MAML3: variants seen among roughly 807,000 people sequenced by gnomAD.
MAML3 encodes the protein mastermind like transcriptional coactivator 3.
A neutral mutation model predicts 101.9 loss-of-function variants in MAML3; 27 were observed. That is an observed-to-expected ratio of 0.27 (90% confidence interval 0.20 to 0.37). MAML3 has a LOEUF of 0.37. MAML3 is among the 10% of genes least tolerant of loss of function. MAML3 has a pLI of 1.00. For synonymous variants in MAML3, 501 were observed against 555.9 expected (o/e 0.90, Z 1.39); for missense variants, 1,316 against 1,444.9 (o/e 0.91, Z 1.45).
rs150732156 is a variant in MAML3 at position 139,851,380 on chromosome 4, C to T, written c.2079+37977G>A. On this transcript the variant is annotated intron_variant, in intron 2 of 4. Transcript: ENST00000509479. ...TTAAGACTCTTCAGAGGAAGGCCAG[C>T]TCCTATTGGCTCTGCAAATCCACTT... Among the ~76,000 whole-genome samples, 313 of 152,376 alleles carry T rather than the reference C, an allele frequency of 2.1e-3. 1 individual carries two copies. The highest frequency in any genetic ancestry group is 7.0e-3 in the African/African-American group (291 of 41,594).
At chr4:139,948,554 G>C (rs937569172) in intron 1 of MAML3, among the ~76,000 whole-genome samples, 1 of 152,140 alleles carries the variant, frequency 6.6e-6, no homozygotes, top group Non-Finnish European at 1.5e-5. Flanking sequence ...GCTCCATCTT[G>C]GTTTCAATTC....
At chr4:140,027,973 G>A (rs1212387102) in intron 1 of MAML3, among the ~76,000 whole-genome samples, 2 of 152,172 alleles carry the variant, frequency 1.3e-5, no homozygotes. Flanking sequence ...ATACCTCATA[G>A]ATGTTCACAT....
intron 1 of MAML3, among the ~76,000 whole-genome samples, chr4:140,000,310 A>G (rs926060510): frequency 6.6e-6 from 1 of 152,056 alleles, no homozygotes; most frequent in African/African-American, 2.4e-5. Context: ...GAAGATCCAT[A>G]ACCTCTATTC....
chr4:139,726,089 C>T (rs966004998), intron 3 of MAML3, among the ~76,000 whole-genome samples: 1 of 152,220 alleles, frequency 6.6e-6, no homozygotes, highest in Non-Finnish European at 1.5e-5. Context: ...GTGCCCCTTC[C>T]AGTCATCACT....
In MAML3 at chr4:139,890,241, T is replaced by C; in HGVS notation, c.1195A>G (p.Ser399Gly). The change falls in exon 2 of 5, where the codon AGC becomes GGC. Residue 399 changes from serine to glycine, a missense_variant. Coordinates refer to ENST00000509479, the MANE Select transcript of MAML3 (RefSeq NM_018717.5). The surrounding 1 kb of genome is among the most constrained non-coding windows in gnomAD (Gnocchi z 4.1). ...GCAGGGTTTGGAGCTGCGGGAGTGCTGGCAACAGAAGGTAAACTAGTGGCC... is the reference window on the plus strand; with the variant it reads ...GCAGGGTTTGGAGCTGCGGGAGTGCCGGCAACAGAAGGTAAACTAGTGGCC... ...STATSLPSVASTPAAPNPASS... is the reference protein window; with the variant it reads ...STATSLPSVAGTPAAPNPASS... The C allele has an allele frequency of 2.5e-6, 4 of 1,613,662 alleles. No homozygotes were observed. Among genetic ancestry groups the C allele is most frequent in the Non-Finnish European group, 3.4e-6 (4 of 1,179,872 alleles).
intron 1 of MAML3, among the ~76,000 whole-genome samples, chr4:139,973,702 A>G (rs1734269300): frequency 6.6e-6 from 1 of 152,208 alleles, no homozygotes; most frequent in African/African-American, 2.4e-5. Flanking sequence ...ACCTGTAATC[A>G]AAACCACTTA....
At chr4:139,883,822 C>T (rs1198356057) in intron 2 of MAML3, among the ~76,000 whole-genome samples, 1 of 148,076 alleles carries the variant, frequency 6.8e-6, no homozygotes, top group Non-Finnish European at 1.5e-5. Flanking sequence ...ATAATATATA[C>T]ATCAAGGAAA....
At chr4:139,730,989 A>G (rs1001263598) in intron 2 of MAML3, 1 of 340,588 alleles carries the variant, frequency 2.9e-6, no homozygotes, top group Non-Finnish European at 5.5e-6. Flanking sequence ...AGGAAAGGGA[A>G]TAAGCCCTCA....
At chr4:140,058,819 G>A (rs148078256) in intron 1 of MAML3, among the ~76,000 whole-genome samples, 29 of 152,162 alleles carry the variant, frequency 1.9e-4, no homozygotes, top group African/African-American at 6.7e-4. Flanking sequence ...GGACCTTCAT[G>A]TTATTGGCCC....
At chr4:139,837,096 T>C (rs527989989) in intron 2 of MAML3, among the ~76,000 whole-genome samples, 2 of 130,410 alleles carry the variant, frequency 1.5e-5, no homozygotes, top group South Asian at 2.4e-4. Flanking sequence ...CACTCCAGCC[T>C]GGGCAACAAG....
intron 2 of MAML3, among the ~76,000 whole-genome samples, chr4:139,777,116 A>G (rs902653021): frequency 6.6e-6 from 1 of 152,202 alleles, no homozygotes; most frequent in African/African-American, 2.4e-5. Context: ...TTTAAATGAA[A>G]TGCTGATGTG....
chr4:139,760,754 G>A (rs976694290), intron 2 of MAML3, among the ~76,000 whole-genome samples: 16 of 152,136 alleles, frequency 1.1e-4, no homozygotes, highest in African/African-American at 1.2e-4. Context: ...AGGACACCAC[G>A]TTCTGAAAGA....
intron 2 of MAML3, among the ~76,000 whole-genome samples, chr4:139,850,316 A>C (rs1415702389): frequency 6.6e-6 from 1 of 151,916 alleles, no homozygotes; most frequent in East Asian, 1.9e-4. Flanking sequence ...AGTTAATCTC[A>C]CTCTGCATGA....
At chr4:139,976,964 T>C (rs534258964) in intron 1 of MAML3, among the ~76,000 whole-genome samples, 1 of 150,862 alleles carries the variant, frequency 6.6e-6, no homozygotes, top group African/African-American at 2.5e-5. Context: ...AAAATTCATA[T>C]GTTAAAACCT....
chr4:139,852,977 A>C (rs543312769), intron 2 of MAML3, among the ~76,000 whole-genome samples: 4 of 152,246 alleles, frequency 2.6e-5, no homozygotes, highest in African/African-American at 9.6e-5. Flanking sequence ...ATTGAAAAGA[A>C]GTAATGTATG....
chr4:139,802,653 C>A (rs1266747196), intron 2 of MAML3, among the ~76,000 whole-genome samples: 1 of 152,136 alleles, frequency 6.6e-6, no homozygotes, highest in African/African-American at 2.4e-5. Flanking sequence ...TGCAGTGGCA[C>A]AGCCTTCCTG....
At chr4:139,771,037 G>A (rs554899770) in intron 2 of MAML3, among the ~76,000 whole-genome samples, 1 of 152,236 alleles carries the variant, frequency 6.6e-6, no homozygotes, top group African/African-American at 2.4e-5. Flanking sequence ...CTCCATGAAG[G>A]ATCCACACCA....
chr4:140,006,965 C>T (rs1218422173), intron 1 of MAML3, among the ~76,000 whole-genome samples: 2 of 152,056 alleles, frequency 1.3e-5, no homozygotes, highest in African/African-American at 4.8e-5. Context: ...GTTTAAAGAA[C>T]AAAAAGCTTC....
At chr4:139,941,203 G>A (rs1364799787) in intron 1 of MAML3, among the ~76,000 whole-genome samples, 3 of 152,142 alleles carry the variant, frequency 2.0e-5, no homozygotes, top group Non-Finnish European at 4.4e-5. Context: ...CCAGATTATG[G>A]AATTTGGTAA....
Sources: gnomAD v4.1 joint callset for allele counts (sites outside exome capture counted in the v4.1 genomes callset) on GRCh38, gnomAD v4.1.1 for gene constraint, Gnocchi (gnomAD v3.1) non-coding constraint, MANE v1.5 for transcripts, NCBI Gene and HGNC (gene_info 2026-07-23, HGNC 2026-07-21) for gene names.